Variants in NOL4L observed in about 807,000 individuals in gnomAD.
NOL4L encodes the protein nucleolar protein 4 like.
In NOL4L, 7 loss-of-function variants were observed where a neutral mutation model predicts 64.5. The ratio of observed to expected loss-of-function variants is 0.11; its 90% CI spans 0.06 to 0.20. NOL4L has a LOEUF of 0.20. Ranked by LOEUF, NOL4L falls within the 10% of genes least tolerant of loss-of-function variation. NOL4L has a pLI of 1.00. For missense variants in NOL4L, 680 were observed against 967.1 expected, an observed-to-expected ratio of 0.70 and a Z score of 3.94; for synonymous variants, 413 against 401.0, an observed-to-expected ratio of 1.03 and a Z score of -0.36.
intron 5 of NOL4L, among the ~76,000 whole-genome samples, chr20:32,467,622 G>C (rs1220523733): frequency 2.6e-5 from 4 of 152,176 alleles, no homozygotes; most frequent in Admixed American, 2.6e-4. Flanking sequence ...CAGAGAATCT[G>C]GGGGAGGTGA....
chr20:32,532,922 C>T (rs555083327), intron 1 of NOL4L, among the ~76,000 whole-genome samples: 12 of 152,164 alleles, frequency 7.9e-5, no homozygotes, highest in Admixed American at 3.3e-4. Context: ...ACCATCCTTT[C>T]GAACCATCCA....
chr20:32,521,682 TGG>T (rs952617289), intron 2 of NOL4L, among the ~76,000 whole-genome samples: 1 of 150,592 alleles, frequency 6.6e-6, no homozygotes, highest in Admixed American at 6.6e-5. Context: ...AAGGGCTGGG[TGG>T]GGGAGTGGGG....
chr20:32,536,869 A>T (rs2018549384), intron 1 of NOL4L, among the ~76,000 whole-genome samples: 1 of 134,920 alleles, frequency 7.4e-6, no homozygotes, highest in South Asian at 2.4e-4. Flanking sequence ...AGACACAGGG[A>T]CGCTCGGCTG....
intron 1 of NOL4L, among the ~76,000 whole-genome samples, chr20:32,584,263 T>C (rs2145631219): frequency 6.7e-6 from 1 of 149,522 alleles, no homozygotes; most frequent in Non-Finnish European, 1.5e-5. Context: ...AGCAGCCGCC[T>C]GCTGGCGGGG....
At chr20:32,509,677 C>A (rs1296599549) in intron 4 of NOL4L, 1 of 1,085,258 alleles carries the variant, frequency 9.2e-7, no homozygotes, top group Non-Finnish European at 1.2e-6. Context: ...AACTCCCCTC[C>A]TTCCATTGAC....
chr20:32,493,678 C>T (rs1054934589), intron 4 of NOL4L, among the ~76,000 whole-genome samples: 6 of 152,174 alleles, frequency 3.9e-5, no homozygotes, highest in Non-Finnish European at 7.3e-5. Flanking sequence ...GATGGTACTA[C>T]GAAAACTAAG....
chr20:32,482,834 C>T (rs1356464264), intron 4 of NOL4L, among the ~76,000 whole-genome samples: 4 of 150,034 alleles, frequency 2.7e-5, no homozygotes, highest in Admixed American at 6.6e-5. Context: ...CATCCCCAAA[C>T]ACAGTCCACT....
intron 5 of NOL4L, among the ~76,000 whole-genome samples, chr20:32,468,626 CA>C (rs1284368558): frequency 3.3e-5 from 5 of 152,148 alleles, no homozygotes; most frequent in Non-Finnish European, 5.9e-5. Context: ...CTTGGCCAAG[CA>C]CGGTGGCTCA....
At chr20:32,467,154 C>T (rs1295722220) in intron 5 of NOL4L, among the ~76,000 whole-genome samples, 3 of 152,198 alleles carry the variant, frequency 2.0e-5, no homozygotes, top group Non-Finnish European at 4.4e-5. Flanking sequence ...TGGGGACACC[C>T]CATGGCACCC....
In NOL4L at chr20:32,453,191, C is replaced by T; in HGVS notation, c.1497+113G>A. On this transcript the variant is annotated intron_variant, in intron 8 of 10. Coordinates refer to ENST00000621426, the MANE Select transcript of NOL4L (RefSeq NM_001256798.2). This position sits in a 1 kb window ranked among gnomAD's most constrained non-coding sequence, Gnocchi z 5.6. ...TGCAAACCAGGGATTATGGTACTTG[C>T]TTCCAGGGCTCCTGGGAAGACCCTG... 7.0e-7 allele frequency: 1 copy of T among 1,437,296 alleles called. No individual in the cohort carries two copies. 89.0% of individuals were successfully genotyped at this position (1,437,296 alleles called of 1,614,324 possible).
chr20:32,459,258 T>TC (rs2145443021), intron 5 of NOL4L, among the ~76,000 whole-genome samples: 1 of 152,172 alleles, frequency 6.6e-6, no homozygotes, highest in East Asian at 1.9e-4. Context: ...TTTTTTTTTT[T>TC]TTTTTAGGGT....
chr20:32,536,701 C>G (rs112914208), intron 1 of NOL4L, among the ~76,000 whole-genome samples: 41 of 149,290 alleles, frequency 2.7e-4, no homozygotes, highest in Non-Finnish European at 5.4e-4. Flanking sequence ...CCCCTCTCCC[C>G]GGAGCTGGGA....
At chr20:32,504,345 G>A (rs554056785) in intron 4 of NOL4L, among the ~76,000 whole-genome samples, 3 of 152,160 alleles carry the variant, frequency 2.0e-5, no homozygotes, top group African/African-American at 7.2e-5. Flanking sequence ...TAGATCACGA[G>A]GTCAGTAGAT....
At chr20:32,565,699 C>T (rs550691233) in intron 1 of NOL4L, among the ~76,000 whole-genome samples, 3 of 152,290 alleles carry the variant, frequency 2.0e-5, no homozygotes, top group African/African-American at 4.8e-5. Flanking sequence ...AGTGATAGGA[C>T]AAATTTCCAA....
At chr20:32,528,230 G>A (rs1445344316) in intron 1 of NOL4L, among the ~76,000 whole-genome samples, 4 of 152,180 alleles carry the variant, frequency 2.6e-5, no homozygotes, top group South Asian at 2.1e-4. Flanking sequence ...TGAATCACAC[G>A]CTGTGCCAAG....
intron 1 of NOL4L, among the ~76,000 whole-genome samples, chr20:32,545,951 T>C (rs577780448): frequency 1.0e-4 from 9 of 88,660 alleles, no homozygotes; most frequent in African/African-American, 2.0e-4. Flanking sequence ...CTTTCTTTTC[T>C]TTTTTTTTTT....
Position 32,453,190 on chromosome 20 carries a change from G to A in NOL4L, c.1497+114C>T. The A allele has an allele frequency of 7.0e-7, 1 of 1,427,570 alleles. No homozygotes were observed. The allele number at this position is 1,427,570 out of a possible 1,614,324, so 88.4% of individuals were successfully genotyped here. On this transcript the variant is annotated intron_variant, in intron 8 of 10. Transcript: ENST00000621426. The surrounding 1 kb of genome is among the most constrained non-coding windows in gnomAD (Gnocchi z 5.6). Reference sequence around the variant, plus strand: ...TTGCAAACCAGGGATTATGGTACTTGCTTCCAGGGCTCCTGGGAAGACCCT... The same window carrying A: ...TTGCAAACCAGGGATTATGGTACTTACTTCCAGGGCTCCTGGGAAGACCCT...
chr20:32,539,615 GTTC>G (rs2018617803), intron 1 of NOL4L, among the ~76,000 whole-genome samples: 1 of 152,182 alleles, frequency 6.6e-6, no homozygotes, highest in South Asian at 2.1e-4. Flanking sequence ...TCTTCTCTTT[GTTC>G]TTCTGTCCTG....
intron 4 of NOL4L, among the ~76,000 whole-genome samples, chr20:32,488,768 TTC>T (rs2016223044): frequency 3.7e-5 from 2 of 54,744 alleles, no homozygotes; most frequent in African/African-American, 1.7e-4. Context: ...CCTTCCTTCC[TTC>T]CTTCCTTCCT....
Sources: allele counts gnomAD v4.1 joint callset (sites outside exome capture counted in the v4.1 genomes callset), GRCh38; gene constraint gnomAD v4.1.1; non-coding constraint Gnocchi (gnomAD v3.1); transcripts MANE v1.5; gene names NCBI Gene and HGNC (gene_info 2026-07-23, HGNC 2026-07-21).